The following UTP14A variants were observed in gnomAD, a reference collection of about 807,000 sequenced individuals.
The protein encoded by UTP14A is U3 small nucleolar RNA-associated protein 14 homolog A.
UTP14A carries 5 observed loss-of-function variants against 57.2 expected under a neutral mutation model. That is an observed-to-expected ratio of 0.09 (90% confidence interval 0.05 to 0.18). The LOEUF is 0.18. UTP14A is among the 10% of genes least tolerant of loss of function. The probability of loss-of-function intolerance (pLI) is 1.00; values close to 1 mark genes in which losing one functional copy is unlikely to be tolerated. For synonymous variants in UTP14A, 169 were observed against 210.9 expected (o/e 0.80, Z 1.72); for missense variants, 430 against 562.1 (o/e 0.76, Z 2.38).
chrX:129,922,559 G>A (rs1929955929), intron 11 of UTP14A: 1 of 110,687 alleles, frequency 9.0e-6, no homozygotes, highest in African/African-American at 3.3e-5. Flanking sequence ...AACTAGCTGG[G>A]ACTACATGCA....
intron 14 of UTP14A, 75 bp downstream of exon 14, chrX:129,926,414 G>T: frequency 1.1e-6 from 1 of 917,599 alleles, no homozygotes; most frequent in Admixed American, 2.4e-5. Flanking sequence ...GTATTCTAGT[G>T]ATCTGTAGTC....
At chrX:129,921,631 G>T (rs777572205) in intron 11 of UTP14A, 44 bp downstream of exon 11, 2 of 1,164,283 alleles carry the variant, frequency 1.7e-6, no homozygotes, top group South Asian at 4.1e-5. Flanking sequence ...TAGTGCTGTG[G>T]ACAGACTATG....
At chrX:129,912,555 T>G (rs1603002037) in intron 6 of UTP14A, among the ~76,000 whole-genome samples, 1 of 111,399 alleles carries the variant, frequency 9.0e-6, no homozygotes, top group Admixed American at 9.7e-5. Flanking sequence ...TTAAAAAGCA[T>G]TTAAAGCCAC....
chrX:129,906,632 C>A (rs1929267307), intron 1 of UTP14A, among the ~76,000 whole-genome samples: 1 of 110,604 alleles, frequency 9.0e-6, no homozygotes, highest in Admixed American at 9.6e-5. Context: ...CACGTTTTGG[C>A]TCCTGTGATG....
Position 129,921,547 on chromosome X carries a change from C to G in UTP14A, c.1308C>G (p.Leu436=), listed in dbSNP as rs369161492. 11 of 1,208,635 alleles carry G rather than the reference C, an allele frequency of 9.1e-6. No homozygotes were observed. Among genetic ancestry groups the G allele is most frequent in the Admixed American group, 2.2e-5 (1 of 45,393 alleles). ...GATCCCTTAGAAAAAGATCTGAGCT[C>G]AGCCAAGATGCTGAGCCAGCAGGCA... is the stretch of plus-strand genomic sequence containing the variant. ...ERRSLRKRSE[L]SQDAEPAGSQ... The change falls in exon 11 of 15, where the codon CTC becomes CTG. Residue 436 remains leucine (L), a synonymous_variant. Coordinates refer to ENST00000394422, the MANE Select transcript of UTP14A (RefSeq NM_006649.4).
At chrX:129,909,577 A>C (rs1929389959) in intron 4 of UTP14A, among the ~76,000 whole-genome samples, 1 of 111,477 alleles carries the variant, frequency 9.0e-6, no homozygotes, top group Non-Finnish European at 1.9e-5. Flanking sequence ...AGTCCTAAGG[A>C]ATAAGAGTTT....
chrX:129,921,191 C>T lies in UTP14A; in HGVS notation c.955-3C>T, dbSNP rs1929896258. On this transcript the variant is annotated splice_polypyrimidine_tract_variant and splice_region_variant and intron_variant, in intron 10 of 14. Coordinates refer to ENST00000394422, the MANE Select transcript of UTP14A (RefSeq NM_006649.4). ...GCTCTCATGCTGTGACTCTTTCCTC[C>T]AGGCTCGCCAAGCTATGCAGGAACA... 1.7e-6 allele frequency: 2 copies of T among 1,196,353 alleles called. No homozygotes were observed. Among genetic ancestry groups the T allele is most frequent in the South Asian group, 1.9e-5 (1 of 53,979 alleles).
intron 14 of UTP14A, 145 bp downstream of exon 14, chrX:129,926,484 T>TAGA (rs1401211360): frequency 5.6e-6 from 3 of 535,270 alleles, no homozygotes; most frequent in African/African-American, 2.3e-5. Flanking sequence ...GAATGGCTGT[T>TAGA]AGATTTATCA....
At chrX:129,929,248 CA>C (rs1930228881) in intron 14 of UTP14A, 87 bp from the exon 15 acceptor site, 1 of 1,103,882 alleles carries the variant, frequency 9.1e-7, no homozygotes. Context: ...TGGCCTGTAC[CA>C]AAACAGTACC....
chrX:129,925,213 G>C lies in UTP14A; in HGVS notation c.1749+18G>C, dbSNP rs1450530371. ...AGGAGCTGGTGAGCAGAGCCAGGGT[G>C]GTGGGCCATTGTTCAGAAAGTGTCG... On this transcript the variant is annotated intron_variant, in intron 12 of 14. Transcript: ENST00000394422. 4 of 1,193,281 alleles carry C rather than the reference G, an allele frequency of 3.4e-6. No individual in the cohort carries two copies. Among genetic ancestry groups the C allele is most frequent in the East Asian group, 3.0e-5 (1 of 33,705 alleles).
intron 6 of UTP14A, among the ~76,000 whole-genome samples, chrX:129,912,503 T>C (rs912449073): frequency 3.6e-5 from 4 of 110,503 alleles, no homozygotes; most frequent in African/African-American, 1.3e-4. Context: ...ATTGCCCGTA[T>C]AGCAGGAACA....
chrX:129,911,297 G>A, intron 5 of UTP14A, 147 bp downstream of exon 5: 1 of 818,322 alleles, frequency 1.2e-6, no homozygotes, highest in Non-Finnish European at 1.7e-6. Context: ...AAATAATCTA[G>A]GAGTGCCAGG....
At chrX:129,914,849 T>G (rs1407816114) in intron 6 of UTP14A, among the ~76,000 whole-genome samples, 1 of 112,089 alleles carries the variant, frequency 8.9e-6, no homozygotes, top group African/African-American at 3.2e-5. Flanking sequence ...GAGGAGGCAT[T>G]GCTAGAAAAT....
In UTP14A at chrX:129,926,011, A is replaced by G. The variant is rs1370285354; in HGVS notation, c.1842A>G (p.Glu614=). The part of the protein sequence containing the change: ...VIRDFLKEKR[E]AVEASKPKDV... ...GAGATTTCTTGAAAGAGAAGAGGGA[A>G]GCTGTGGAGGCGAGTAAGCCAAAGG... The change falls in exon 13 of 15, where the codon GAA becomes GAG. Residue 614 remains glutamate, a synonymous_variant. Coordinates refer to ENST00000394422, the MANE Select transcript of UTP14A (RefSeq NM_006649.4). The G allele has an allele frequency of 5.8e-6, 7 of 1,210,172 alleles. No individual in the cohort carries two copies. The Admixed American group carries it at 1.5e-4, about 26-fold the overall frequency.
chrX:129,916,015 GCA>G (rs1929679187), intron 6 of UTP14A, among the ~76,000 whole-genome samples: 1 of 99,415 alleles, frequency 1.0e-5, no homozygotes, highest in East Asian at 3.1e-4. Flanking sequence ...GTGCAGTGGT[GCA>G]ATCTCGGCTC....
rs182377768 is a variant in UTP14A at position 129,907,239 on chromosome X, T to C, written c.27-128T>C. On this transcript the variant is annotated intron_variant, in intron 1 of 14. Coordinates refer to ENST00000394422, the MANE Select transcript of UTP14A (RefSeq NM_006649.4). ...ATGTTTTCGAGATTGTTTTAATAGA[T>C]TAGACATTGCTTCAAATAATAATAT... The C allele has an allele frequency of 9.5e-5, 48 of 502,728 alleles. No homozygotes were observed. The East Asian group carries it at 1.9e-3, about 19-fold the overall frequency. 41.4% of individuals were successfully genotyped at this position (502,728 alleles called of 1,213,427 possible). A position where few individuals can be genotyped will look rare whatever the true frequency, so the allele number is the denominator to read the frequency against.
At chrX:129,916,372 A>C (rs1465050503) in intron 6 of UTP14A, among the ~76,000 whole-genome samples, 1 of 110,892 alleles carries the variant, frequency 9.0e-6, no homozygotes, top group Non-Finnish European at 1.9e-5. Flanking sequence ...TAAGCTTCGC[A>C]TTTCCTTTCC....
chrX:129,921,456 A>T lies in UTP14A; in HGVS notation c.1217A>T (p.Glu406Val). ...GAGCTTGAGGCCCATGGAGTTTCTG[A>T]AAGTGAGGGAGAAGAAAGACCAGTG... ...LPELEAHGVS[E>V]SEGEERPVAE... Residue 406 changes from glutamate (E) to valine (V), a missense_variant, in exon 11 of 15, where the codon GAA becomes GTA. Glu to Val is a moderately radical substitution (Grantham distance 121, BLOSUM62 -2). Coordinates refer to ENST00000394422, the MANE Select transcript of UTP14A (RefSeq NM_006649.4). 1.4e-5 allele frequency: 17 copies of T among 1,211,828 alleles called. No individual in the cohort carries two copies. The highest frequency in any genetic ancestry group is 1.9e-5 in the Non-Finnish European group (17 of 895,595).
Position 129,929,676 on chromosome X carries a change from G to T in UTP14A, c.*68G>T. ...TTTGGTCCAGTTTTACTCTGATACA[G>T]GGTGGATTCCAAAACTGGCTCAGTA... On this transcript the variant is annotated 3_prime_UTR_variant, in exon 15 of 15. Transcript: ENST00000394422. 1 of 1,148,419 alleles carries T rather than the reference G, an allele frequency of 8.7e-7. No homozygotes were observed. 94.6% of individuals were successfully genotyped at this position (1,148,419 alleles called of 1,213,427 possible).
Sources: gnomAD v4.1 joint callset for allele counts (sites outside exome capture counted in the v4.1 genomes callset) on GRCh38, gnomAD v4.1.1 for gene constraint, MANE v1.5 for transcripts, NCBI Gene and HGNC (gene_info 2026-07-23, HGNC 2026-07-21) for gene names.